Variants in CHCHD3 observed in about 807,000 individuals in gnomAD.
The protein encoded by CHCHD3 is coiled-coil-helix-coiled-coil-helix domain containing 3.
A neutral mutation model predicts 38.2 loss-of-function variants in CHCHD3; 20 were observed. That is an observed-to-expected ratio of 0.52 (90% confidence interval 0.37 to 0.76). The LOEUF (loss-of-function observed/expected upper bound fraction) is 0.76, where lower values mean the gene tolerates loss of function less well. CHCHD3 is among the 30% of genes least tolerant of loss of function. CHCHD3 has a pLI of 0.00. For missense variants in CHCHD3, 245 were observed against 279.2 expected, an observed-to-expected ratio of 0.88 and a Z score of 0.87; for synonymous variants, 82 against 100.0, an observed-to-expected ratio of 0.82 and a Z score of 1.07.
At chr7:132,898,116 C>T (rs371466903) in intron 4 of CHCHD3, among the ~76,000 whole-genome samples, 4 of 151,998 alleles carry the variant, frequency 2.6e-5, no homozygotes, top group African/African-American at 7.2e-5. Context: ...CAGACCTTCG[C>T]GGTGAGTGTT....
intron 2 of CHCHD3, among the ~76,000 whole-genome samples, chr7:133,038,847 T>C (rs947332398): frequency 6.6e-6 from 1 of 152,258 alleles, no homozygotes; most frequent in Non-Finnish European, 1.5e-5. Flanking sequence ...TTGTCCACTT[T>C]GGCTATGAAA....
At chr7:132,806,571 G>C (rs1806926220) in intron 6 of CHCHD3, among the ~76,000 whole-genome samples, 1 of 152,142 alleles carries the variant, frequency 6.6e-6, no homozygotes, top group African/African-American at 2.4e-5. Flanking sequence ...GAATGGAAAG[G>C]GCTTAGGCAG....
At chr7:132,933,202 A>T (rs1461294146) in intron 4 of CHCHD3, among the ~76,000 whole-genome samples, 1 of 152,174 alleles carries the variant, frequency 6.6e-6, no homozygotes, top group Non-Finnish European at 1.5e-5. Context: ...TTATCAACTG[A>T]GTCATATTTG....
chr7:133,051,853 G>A (rs1814177502), intron 2 of CHCHD3: 1 of 152,142 alleles, frequency 6.6e-6, no homozygotes. Context: ...GCAGTGTTAG[G>A]AAACAAAGAC....
rs749544317 is a variant in CHCHD3 at position 132,785,615 on chromosome 7, G to A, written c.*22C>T. 7 of 1,612,956 alleles carry A rather than the reference G, an allele frequency of 4.3e-6. No homozygotes were observed. In the East Asian group the frequency reaches 8.9e-5, roughly 21 times the overall value. On this transcript the variant is annotated 3_prime_UTR_variant, in exon 8 of 8. Transcript: ENST00000262570. The stretch of plus-strand genomic sequence containing the variant: ...CATCTCTGGAATTAACGTTGATGGT[G>A]TTTTGCTCATTCTGAAAGTTTTTAT...
At chr7:133,066,256 C>CT (rs11451085) in intron 2 of CHCHD3, among the ~76,000 whole-genome samples, 3,884 of 142,902 alleles carry the variant, frequency 0.027, 63 homozygotes, top group African/African-American at 0.037. Flanking sequence ...AGATGGCATA[C>CT]TTTTTTTTTT....
intron 2 of CHCHD3, among the ~76,000 whole-genome samples, chr7:133,028,886 CAAA>C (rs529303007): frequency 6.4e-5 from 6 of 94,016 alleles, no homozygotes; most frequent in Admixed American, 3.5e-4. Context: ...CTCCATCTCA[CAAA>C]AAAAAAAAAA....
At chr7:132,820,463 G>A (rs1807331981) in intron 6 of CHCHD3, among the ~76,000 whole-genome samples, 1 of 152,262 alleles carries the variant, frequency 6.6e-6, no homozygotes, top group South Asian at 2.1e-4. Context: ...CTTTGCTATG[G>A]CTTCCGCATC....
At chr7:132,912,823 G>A (rs866539645) in intron 4 of CHCHD3, among the ~76,000 whole-genome samples, 6 of 152,216 alleles carry the variant, frequency 3.9e-5, no homozygotes, top group African/African-American at 9.7e-5. Flanking sequence ...CCAAAGTGCT[G>A]GGATTACAGG....
chr7:132,819,323 T>C (rs987565262), intron 6 of CHCHD3, among the ~76,000 whole-genome samples: 18 of 152,206 alleles, frequency 1.2e-4, no homozygotes, highest in African/African-American at 4.3e-4. Context: ...ACACTCTTAT[T>C]TGCACCTGTG....
chr7:132,845,480 A>G (rs1373743228), intron 5 of CHCHD3, among the ~76,000 whole-genome samples: 5 of 152,194 alleles, frequency 3.3e-5, no homozygotes, highest in Non-Finnish European at 5.9e-5. Context: ...CGGATGGGAA[A>G]TATGAAGACA....
intron 5 of CHCHD3, among the ~76,000 whole-genome samples, chr7:132,871,978 G>A (rs1403827575): frequency 1.3e-5 from 2 of 152,234 alleles, no homozygotes; most frequent in African/African-American, 2.4e-5. Context: ...CACAGGCAGA[G>A]CAATCTGCAG....
chr7:133,033,110 C>T (rs1323689036), intron 2 of CHCHD3, among the ~76,000 whole-genome samples: 1 of 152,110 alleles, frequency 6.6e-6, no homozygotes, highest in African/African-American at 2.4e-5. Flanking sequence ...CATAACTACC[C>T]TAGCAGACAT....
chr7:132,938,632 C>T (rs573832722), intron 4 of CHCHD3, among the ~76,000 whole-genome samples: 168 of 152,264 alleles, frequency 1.1e-3, no homozygotes, highest in African/African-American at 3.9e-3. Context: ...AAGTGCCTAT[C>T]GAATGGAAAT....
rs142171887 is a variant in CHCHD3, at chr7:133,056,229, A to T, written c.169+13913T>A. Among the ~76,000 whole-genome samples, 218 of 152,104 alleles carry T rather than the reference A, an allele frequency of 1.4e-3. 1 individual carries two copies. Among genetic ancestry groups the T allele is most frequent in the Non-Finnish European group, 2.4e-3 (161 of 68,000 alleles). On this transcript the variant is annotated intron_variant, in intron 2 of 7. Transcript: ENST00000262570. ...TAGCTTTGTCAGTCTATTCGTATTT[A>T]CTCCTTGTAACCTCATCTCCCACCA...
rs73724132 is a variant in CHCHD3, at chr7:132,958,372, T to C, written c.369+16797A>G. Reference sequence around the variant, plus strand: ...TTTAGCAATCACAGAAAAGCATTTTTCAAGTATAAGAAAAAAATTCTCACA... The same window carrying C: ...TTTAGCAATCACAGAAAAGCATTTTCCAAGTATAAGAAAAAAATTCTCACA... On this transcript the variant is annotated intron_variant, in intron 4 of 7. Transcript: ENST00000262570. 8.6e-3 allele frequency among the ~76,000 whole-genome samples: 1,305 copies of C among 152,156 alleles called. 24 individuals carry two copies. Among genetic ancestry groups the C allele is most frequent in the African/African-American group, 0.03 (1,246 of 41,500 alleles).
intron 5 of CHCHD3, among the ~76,000 whole-genome samples, chr7:132,859,856 C>A (rs964596232): frequency 4.6e-5 from 7 of 152,218 alleles, no homozygotes; most frequent in African/African-American, 1.4e-4. Context: ...TTAAACTCCC[C>A]TCATGGGCTG....
At chr7:132,908,241 G>A (rs1010270682) in intron 4 of CHCHD3, among the ~76,000 whole-genome samples, 6 of 152,122 alleles carry the variant, frequency 3.9e-5, no homozygotes, top group Non-Finnish European at 8.8e-5. Flanking sequence ...CCACGGTGCA[G>A]GAAAACGTAA....
In CHCHD3 at chr7:132,847,812, G is replaced by A. The variant is rs147550876; in HGVS notation, c.454-9343C>T. ...TATAACTAGTATGATCATACCCATC[G>A]CATGTACAAAAAGAACAAATCAAAG... On this transcript the variant is annotated intron_variant, in intron 5 of 7. Coordinates refer to ENST00000262570, the MANE Select transcript of CHCHD3 (RefSeq NM_017812.4). Among the ~76,000 whole-genome samples, 5 of 152,150 alleles carry A rather than the reference G, an allele frequency of 3.3e-5. No individual in the cohort carries two copies. The East Asian group carries it at 7.7e-4, about 24-fold the overall frequency.
Sources: gnomAD v4.1 joint callset for allele counts (sites outside exome capture counted in the v4.1 genomes callset) on GRCh38, gnomAD v4.1.1 for gene constraint, MANE v1.5 for transcripts, NCBI Gene and HGNC (gene_info 2026-07-23, HGNC 2026-07-21) for gene names.